MAD1L1: variants seen among roughly 807,000 people sequenced by gnomAD.
The protein encoded by MAD1L1 is mitotic arrest deficient 1 like 1, also known as mitotic spindle assembly checkpoint protein MAD1.
A neutral mutation model predicts 96.9 loss-of-function variants in MAD1L1; 95 were observed. The observed-to-expected ratio is 0.98, with a 90% CI of 0.83 to 1.16. MAD1L1 has a LOEUF of 1.16. Ranked by LOEUF, MAD1L1 falls within the 50% of genes most tolerant of loss-of-function variation. The pLI, the probability that MAD1L1 is intolerant of heterozygous loss-of-function variation, is 0.00. For synonymous variants in MAD1L1, 473 were observed against 396.6 expected (o/e 1.19, Z -2.29); for missense variants, 1,007 against 954.4 (o/e 1.06, Z -0.73).
At chr7:1,982,686 C>A (rs374265993) in intron 14 of MAD1L1, among the ~76,000 whole-genome samples, 1 of 152,184 alleles carries the variant, frequency 6.6e-6, no homozygotes, top group East Asian at 1.9e-4. Flanking sequence ...AATATTGATA[C>A]CTTGGGTTTC....
chr7:2,161,486 C>T (rs1176175743), intron 10 of MAD1L1, among the ~76,000 whole-genome samples: 1 of 152,102 alleles, frequency 6.6e-6, no homozygotes, highest in Admixed American at 6.5e-5. Context: ...CTGACTTGGC[C>T]TCCCAAAGTG....
Position 2,161,913 on chromosome 7 carries a change from CCAGCCCGTCCGGGAGGTGGGGGG to C in MAD1L1, c.987-12698_987-12676del, listed in dbSNP as rs1007063883. ...GTGGGGGGCAGCCCCCGCCCGCCAG[CCAGCCCGTCCGGGAGGTGGGGGG>C]CAGCCCCCACCCGGCCAGCCACCCC... On this transcript the variant is annotated intron_variant, in intron 10 of 18. Coordinates refer to ENST00000265854, the MANE Select transcript of MAD1L1 (RefSeq NM_001013836.2). 9.5e-5 allele frequency among the ~76,000 whole-genome samples: 14 copies of C among 147,852 alleles called. 1 individual carries two copies. In the South Asian group the frequency reaches 1.9e-3, roughly 20 times the overall value.
chr7:1,908,067 G>A (rs1446850545), intron 17 of MAD1L1, among the ~76,000 whole-genome samples: 1 of 152,204 alleles, frequency 6.6e-6, no homozygotes, highest in Admixed American at 6.5e-5. Context: ...CAGTACGTTT[G>A]CCCACACACG....
chr7:1,999,847 G>C (rs1402696817), intron 14 of MAD1L1, among the ~76,000 whole-genome samples: 4 of 152,106 alleles, frequency 2.6e-5, no homozygotes, highest in Non-Finnish European at 1.5e-5. Context: ...CTCCCCTTCC[G>C]GGTCTTCTCT....
intron 16 of MAD1L1, among the ~76,000 whole-genome samples, chr7:1,955,036 C>G (rs957733204): frequency 3.3e-5 from 5 of 152,238 alleles, no homozygotes; most frequent in African/African-American, 1.2e-4. Flanking sequence ...CAGGCCTGGT[C>G]TCCTGGCCTC....
chr7:2,062,664 G>C (rs1371967605), intron 12 of MAD1L1, among the ~76,000 whole-genome samples: 1 of 152,154 alleles, frequency 6.6e-6, no homozygotes, highest in African/African-American at 2.4e-5. Context: ...GTCTTGCTGG[G>C]GTTGCTAACT....
intron 11 of MAD1L1, among the ~76,000 whole-genome samples, chr7:2,131,123 C>T (rs989541474): frequency 3.9e-5 from 6 of 152,190 alleles, no homozygotes; most frequent in Non-Finnish European, 7.3e-5. Flanking sequence ...TGACATACTG[C>T]ACTATGAGCT....
At chr7:2,086,747 G>A (rs1785939206) in intron 11 of MAD1L1, among the ~76,000 whole-genome samples, 1 of 152,172 alleles carries the variant, frequency 6.6e-6, no homozygotes. Context: ...TAGAGACAGG[G>A]TTTCACTGTG....
At chr7:1,822,719 C>T (rs1162646275) in intron 18 of MAD1L1, among the ~76,000 whole-genome samples, 10 of 145,232 alleles carry the variant, frequency 6.9e-5, no homozygotes, top group Admixed American at 2.8e-4. Flanking sequence ...CCACCATGCC[C>T]GGCCAGCATT....
intron 11 of MAD1L1, among the ~76,000 whole-genome samples, chr7:2,074,732 T>C (rs1584258955): frequency 6.6e-6 from 1 of 151,660 alleles, no homozygotes; most frequent in East Asian, 1.9e-4. Context: ...GAGAAGGGAG[T>C]GTGGAGCTGC....
Position 2,033,701 on chromosome 7 carries a change from C to G in MAD1L1, c.1219-19059G>C, listed in dbSNP as rs995776324. ...CTCAGCACGAGTGAGGCCATGAGGG[C>G]TGCACGCTACACCTGCTGGGACAGC... On this transcript the variant is annotated intron_variant, in intron 12 of 18. Transcript: ENST00000265854. Among the ~76,000 whole-genome samples the G allele has an allele frequency of 8.7e-4, 132 of 152,380 alleles. 2 individuals carry two copies. The highest frequency in any genetic ancestry group is 5.3e-4 in the Non-Finnish European group (36 of 68,042).
intron 11 of MAD1L1, among the ~76,000 whole-genome samples, chr7:2,070,515 G>C (rs528341936): frequency 1.3e-5 from 2 of 152,344 alleles, no homozygotes; most frequent in East Asian, 1.9e-4. Flanking sequence ...GACACAGCCA[G>C]GAAAGAAGAG....
intron 12 of MAD1L1, among the ~76,000 whole-genome samples, chr7:2,018,100 G>A (rs1157479885): frequency 6.6e-6 from 1 of 152,154 alleles, no homozygotes; most frequent in Non-Finnish European, 1.5e-5. Context: ...GACCGGCCCC[G>A]TGGCCCCCAA....
At chr7:2,062,589 C>A (rs1784710418) in intron 12 of MAD1L1, among the ~76,000 whole-genome samples, 2 of 151,828 alleles carry the variant, frequency 1.3e-5, no homozygotes, top group South Asian at 4.2e-4. Flanking sequence ...AAAAAAAAAA[C>A]AGGGAAGTGA....
At chr7:1,907,583 G>T (rs1562512496) in intron 17 of MAD1L1, among the ~76,000 whole-genome samples, 1 of 152,246 alleles carries the variant, frequency 6.6e-6, no homozygotes, top group South Asian at 2.1e-4. Context: ...AGGAGGAAGG[G>T]AGTGATTCCA....
At chr7:2,093,373 G>A (rs987276802) in intron 11 of MAD1L1, among the ~76,000 whole-genome samples, 7 of 152,034 alleles carry the variant, frequency 4.6e-5, no homozygotes, top group African/African-American at 9.7e-5. Flanking sequence ...AGTAAATAGT[G>A]CATGCAGTAT....
intron 12 of MAD1L1, among the ~76,000 whole-genome samples, chr7:2,054,361 C>T (rs1293767703): frequency 1.3e-5 from 2 of 152,214 alleles, no homozygotes; most frequent in African/African-American, 4.8e-5. Flanking sequence ...TCCCACAACC[C>T]AACCTTCATC....
chr7:2,117,441 C>G (rs755267429), intron 11 of MAD1L1, among the ~76,000 whole-genome samples: 2 of 152,202 alleles, frequency 1.3e-5, no homozygotes, highest in Non-Finnish European at 2.9e-5. Flanking sequence ...ATGATATGGT[C>G]TGACTGTGTC....
intron 15 of MAD1L1, among the ~76,000 whole-genome samples, chr7:1,979,244 A>T (rs1780784272): frequency 6.6e-6 from 1 of 152,036 alleles, no homozygotes; most frequent in African/African-American, 2.4e-5. Flanking sequence ...TGCCACCCCC[A>T]TCTCACTGCA....
Sources: gnomAD v4.1 joint callset for allele counts (sites outside exome capture counted in the v4.1 genomes callset) on GRCh38, gnomAD v4.1.1 for gene constraint, MANE v1.5 for transcripts, NCBI Gene and HGNC (gene_info 2026-07-23, HGNC 2026-07-21) for gene names.